The following INVS variants were observed in gnomAD, a reference collection of about 807,000 sequenced individuals.
INVS encodes inversion of embryo turning homolog.
Under a neutral mutation model 108.8 loss-of-function variants are expected in INVS, and 86 were observed. The ratio of observed to expected loss-of-function variants is 0.79; its 90% CI spans 0.66 to 0.95. INVS has a LOEUF of 0.95. INVS is among the 40% of genes least tolerant of loss of function. The pLI is 0.00. For synonymous variants in INVS, 455 were observed against 473.5 expected (o/e 0.96, Z 0.51); for missense variants, 1,169 against 1,297.4 (o/e 0.90, Z 1.52).
Position 100,206,565 on chromosome 9 carries a change from G to T in INVS, c.274-19497G>T, listed in dbSNP as rs139980943. Among the ~76,000 whole-genome samples the T allele has an allele frequency of 6.0e-4, 92 of 152,110 alleles. No individual in the cohort carries two copies. The East Asian group carries it at 0.017, about 28-fold the overall frequency. On this transcript the variant is annotated intron_variant, in intron 3 of 16. Transcript: ENST00000262457. ...TCTGAATCATTTGGAGTAAGTTGCA[G>T]GTGTGATACTCCTTTGCCCCTAAAT...
At chr9:100,127,622 T>C (rs1188427227) in intron 3 of INVS, among the ~76,000 whole-genome samples, 1 of 152,168 alleles carries the variant, frequency 6.6e-6, no homozygotes, top group Admixed American at 6.5e-5. Context: ...GAACCAGATA[T>C]AGCTAATTAA....
At chr9:100,133,825 A>C (rs1386139868) in intron 3 of INVS, among the ~76,000 whole-genome samples, 1 of 149,076 alleles carries the variant, frequency 6.7e-6, no homozygotes, top group Non-Finnish European at 1.5e-5. Context: ...CCCTCATCTC[A>C]ATTCATGCTC....
intron 7 of INVS, among the ~76,000 whole-genome samples, chr9:100,246,227 C>T (rs1424631183): frequency 6.6e-6 from 1 of 151,368 alleles, no homozygotes; most frequent in African/African-American, 2.4e-5. Context: ...GAGAAGAGAA[C>T]AAGGCAGAAA....
Position 100,100,924 on chromosome 9 carries a change from A to G in INVS, c.-25+1508A>G, listed in dbSNP as rs1410548806. 5.9e-5 allele frequency among the ~76,000 whole-genome samples: 2 copies of G among 34,134 alleles called. 1 individual carries two copies. Among genetic ancestry groups the G allele is most frequent in the African/African-American group, 4.5e-4 (2 of 4,464 alleles). The allele number at this position is 34,134 out of a possible 152,430, so 22.4% of individuals were successfully genotyped here. ...ATATGTATATATATTATATGTATAT[A>G]TATAATATATATAATATATATACAT... On this transcript the variant is annotated intron_variant, in intron 1 of 16. Coordinates refer to ENST00000262457, the MANE Select transcript of INVS (RefSeq NM_014425.5).
chr9:100,113,630 TG>T (rs1473811629), intron 2 of INVS, among the ~76,000 whole-genome samples: 1 of 152,170 alleles, frequency 6.6e-6, no homozygotes, highest in African/African-American at 2.4e-5. Context: ...TATGTGTTTA[TG>T]GGGGTGGAGT....
intron 5 of INVS, among the ~76,000 whole-genome samples, chr9:100,235,151 T>C (rs866734439): frequency 6.6e-6 from 1 of 152,198 alleles, no homozygotes; most frequent in Non-Finnish European, 1.5e-5. Context: ...TCTTTGTTGG[T>C]TTAAAGTCTG....
chr9:100,138,418 T>A (rs763031953), intron 3 of INVS, among the ~76,000 whole-genome samples: 14 of 150,720 alleles, frequency 9.3e-5, no homozygotes, highest in Admixed American at 1.3e-4. Context: ...AAAAAAAATT[T>A]TATATATATA....
At chr9:100,297,790 T>C in intron 15 of INVS, 146 bp from the exon 16 acceptor site, 1 of 780,986 alleles carries the variant, frequency 1.3e-6, no homozygotes. Flanking sequence ...GACTTTACCC[T>C]GGGCCTACAT....
In INVS at chr9:100,301,604, T is replaced by C. The variant is rs1284939091; in HGVS notation, c.*930T>C. Among the ~76,000 whole-genome samples, 2 of 152,206 alleles carry C rather than the reference T, an allele frequency of 1.3e-5. No homozygotes were observed. The highest frequency in any genetic ancestry group is 2.9e-5 in the Non-Finnish European group (2 of 68,026). ...AACACCTGGTTTAAATAAAATCCAG[T>C]GATGATGGGCTCTTTCACATTGTTT... is the stretch of plus-strand genomic sequence containing the variant. On this transcript the variant is annotated 3_prime_UTR_variant, in exon 17 of 17. Transcript: ENST00000262457.
chr9:100,171,790 C>T (rs573427006), intron 3 of INVS, among the ~76,000 whole-genome samples: 28 of 152,092 alleles, frequency 1.8e-4, no homozygotes, highest in Non-Finnish European at 3.7e-4. Flanking sequence ...TGATTTTCTC[C>T]ATGCATCTCT....
chr9:100,159,545 A>G (rs972753829), intron 3 of INVS, among the ~76,000 whole-genome samples: 16 of 152,364 alleles, frequency 1.1e-4, no homozygotes, highest in African/African-American at 3.8e-4. Context: ...TAGGAATTCC[A>G]TAACCAATTA....
chr9:100,195,209 G>C (rs1399400873), intron 3 of INVS, among the ~76,000 whole-genome samples: 1 of 152,210 alleles, frequency 6.6e-6, no homozygotes, highest in Non-Finnish European at 1.5e-5. Flanking sequence ...TACACTGATT[G>C]AGGAAACTTT....
At chr9:100,182,779 A>G (rs1260390108) in intron 3 of INVS, among the ~76,000 whole-genome samples, 2 of 152,034 alleles carry the variant, frequency 1.3e-5, no homozygotes, top group African/African-American at 4.8e-5. Flanking sequence ...CCATTACTGG[A>G]TATATGCCCA....
intron 3 of INVS, among the ~76,000 whole-genome samples, chr9:100,219,617 A>G (rs536398415): frequency 6.6e-6 from 1 of 152,324 alleles, no homozygotes; most frequent in East Asian, 1.9e-4. Context: ...AGAAATTCTT[A>G]TGTACTTACC....
At chr9:100,197,457 G>A (rs1048512572) in intron 3 of INVS, among the ~76,000 whole-genome samples, 1 of 152,138 alleles carries the variant, frequency 6.6e-6, no homozygotes, top group African/African-American at 2.4e-5. Context: ...GCTGCATAAT[G>A]CAAGGTATAG....
At chr9:100,208,710 T>A (rs1292578340) in intron 3 of INVS, among the ~76,000 whole-genome samples, 3 of 152,174 alleles carry the variant, frequency 2.0e-5, no homozygotes, top group Non-Finnish European at 4.4e-5. Context: ...AGCTTCTGAG[T>A]TTAATATTAA....
At chr9:100,144,520 C>T (rs934180495) in intron 3 of INVS, among the ~76,000 whole-genome samples, 16 of 151,974 alleles carry the variant, frequency 1.1e-4, no homozygotes, top group Non-Finnish European at 2.4e-4. Flanking sequence ...TGAAAAAGAG[C>T]CTAAAGGCTA....
At chr9:100,281,353 C>T (rs910467836) in intron 12 of INVS, among the ~76,000 whole-genome samples, 18 of 152,336 alleles carry the variant, frequency 1.2e-4, no homozygotes, top group African/African-American at 4.1e-4. Context: ...TGGTTCTGGA[C>T]CTTTTCCCCA....
In INVS at chr9:100,292,928, A is replaced by G; in HGVS notation, c.2671A>G (p.Ile891Val). ...TCCCCTCTCTGGGCAGAGTGTGAAT[A>G]TTGACCTTCTCCCCGTAGAGCTCCG... ...PGPLSGQSVNIDLLPVELRLQ... is the reference protein window; with the variant it reads ...PGPLSGQSVNVDLLPVELRLQ... The change falls in exon 14 of 17, where the codon ATT (isoleucine) becomes GTT (valine). Residue 891 changes from isoleucine to valine, a missense_variant. Around this residue, in one of 3 missense-constraint regions of INVS, gnomAD observed 533 missense variants for 536.0 expected, o/e 0.99. Coordinates refer to ENST00000262457, the MANE Select transcript of INVS (RefSeq NM_014425.5). 1 of 1,613,674 alleles carries G rather than the reference A, an allele frequency of 6.2e-7. No individual in the cohort carries two copies.
Sources: allele counts gnomAD v4.1 joint callset (sites outside exome capture counted in the v4.1 genomes callset), GRCh38; gene constraint gnomAD v4.1.1; regional missense constraint gnomAD v4.1.1; transcripts MANE v1.5; gene names NCBI Gene and HGNC (gene_info 2026-07-23, HGNC 2026-07-21).